STAU1: variants seen among roughly 807,000 people sequenced by gnomAD.
STAU1 encodes the protein staufen double-stranded RNA binding protein 1.
STAU1 carries 13 observed loss-of-function variants against 62.9 expected under a neutral mutation model. The ratio of observed to expected loss-of-function variants is 0.21; its 90% confidence interval spans 0.13 to 0.33. STAU1 has a LOEUF of 0.33. Ranked by LOEUF, STAU1 falls within the 10% of genes least tolerant of loss-of-function variation. STAU1 has a pLI of 1.00. For synonymous variants in STAU1, 269 were observed against 265.1 expected, an observed-to-expected ratio of 1.01 and a Z score of -0.14; for missense variants, 571 against 712.1, an observed-to-expected ratio of 0.80 and a Z score of 2.25.
intron 1 of STAU1, chr20:49,179,335 T>G (rs1244412588): frequency 1.3e-5 from 2 of 152,212 alleles, no homozygotes; most frequent in African/African-American, 2.4e-5. Flanking sequence ...TTCTTTTTTA[T>G]GTTTGGTGCT....
At chr20:49,144,845 T>A (rs888406678) in intron 5 of STAU1, among the ~76,000 whole-genome samples, 1 of 152,166 alleles carries the variant, frequency 6.6e-6, no homozygotes, top group Non-Finnish European at 1.5e-5. Context: ...ATGATTTTCA[T>A]CTCATCTGGC....
At chr20:49,190,011 C>T (rs1046399663), upstream of STAU1, among the ~76,000 whole-genome samples, 7 of 152,100 alleles carry the variant, frequency 4.6e-5, no homozygotes, top group Non-Finnish European at 7.4e-5. Flanking sequence ...GGACTTTCAC[C>T]GTCCCTTTAG....
chr20:49,115,676 A>C (rs1005909721), intron 13 of STAU1, 106 bp downstream of exon 13: 3 of 1,001,744 alleles, frequency 3.0e-6, no homozygotes, highest in Non-Finnish European at 4.7e-6. Flanking sequence ...CCAGAAAGTA[A>C]CTCAGGCAAA....
chr20:49,154,097 T>A (rs2093315924), intron 3 of STAU1, 26 bp from the exon 4 acceptor site: 5 of 1,581,782 alleles, frequency 3.2e-6, no homozygotes, highest in African/African-American at 1.4e-5. Context: ...GACAAAGAAC[T>A]GTTTTTTTCT....
chr20:49,196,019 A>G, the STAU1 span, among the ~76,000 whole-genome samples: 1 of 149,060 alleles, frequency 6.7e-6, no homozygotes, highest in South Asian at 2.1e-4. Context: ...CGGGTGGATC[A>G]CTTGAGGTCA....
chr20:49,204,629 TATATATATATATATA>T, the STAU1 span, among the ~76,000 whole-genome samples: 127 of 59,470 alleles, frequency 2.1e-3, no homozygotes, highest in South Asian at 5.1e-3. Context: ...TATATGTGTA[TATATATATATATATA>T]TATTTTTTTT....
At chr20:49,137,676 T>C (rs1171691202) in intron 5 of STAU1, among the ~76,000 whole-genome samples, 1 of 152,018 alleles carries the variant, frequency 6.6e-6, no homozygotes, top group African/African-American at 2.4e-5. Flanking sequence ...TCAACTTTTT[T>C]TTTTTTGAGA....
intron 6 of STAU1, among the ~76,000 whole-genome samples, chr20:49,128,259 G>A (rs1042776534): frequency 3.9e-5 from 6 of 152,152 alleles, no homozygotes; most frequent in African/African-American, 7.2e-5. Context: ...TCAGGAGGTC[G>A]AGGTTGCAGT....
intron 1 of STAU1, among the ~76,000 whole-genome samples, chr20:49,178,887 C>G (rs943013330): frequency 2.0e-4 from 28 of 143,192 alleles, no homozygotes; most frequent in Non-Finnish European, 3.6e-4. Flanking sequence ...TCCTGGCTAA[C>G]ACGGTGAAAC....
chr20:49,116,053 CCT>C (rs1353946446), intron 12 of STAU1, among the ~76,000 whole-genome samples, 186 bp from the exon 13 acceptor site: 2 of 152,182 alleles, frequency 1.3e-5, no homozygotes, highest in South Asian at 2.1e-4. Flanking sequence ...TATTCAGTTA[CCT>C]CACTGAATCA....
At chr20:49,119,932 T>C (rs748113237) in intron 9 of STAU1, 50 bp downstream of exon 9, 43 of 1,592,170 alleles carry the variant, frequency 2.7e-5, no homozygotes, top group Middle Eastern at 1.7e-4. Flanking sequence ...CCCAGTTCCC[T>C]AGGGTGAGGC....
chr20:49,153,871 T>C (rs891400768), intron 4 of STAU1, 62 bp downstream of exon 4: 6 of 1,496,916 alleles, frequency 4.0e-6, no homozygotes, highest in Admixed American at 4.9e-5. Flanking sequence ...TACTGGTTTA[T>C]GTAAAAGATC....
At chr20:49,206,376 A>G in the STAU1 span, among the ~76,000 whole-genome samples, 2 of 148,020 alleles carry the variant, frequency 1.4e-5, no homozygotes, top group Non-Finnish European at 1.5e-5. Context: ...ATGAAAAACA[A>G]TGTCCACTCA....
In STAU1 at chr20:49,158,427, G is replaced by A. The variant is rs553370600; in HGVS notation, c.206-4356C>T. 1.8e-5 allele frequency: 24 copies of A among 1,304,686 alleles called. No homozygotes were observed. The African/African-American group carries it at 2.9e-4, about 16-fold the overall frequency. 80.8% of individuals were successfully genotyped at this position (1,304,686 alleles called of 1,614,324 possible). On this transcript the variant is annotated intron_variant, in intron 3 of 13. Coordinates refer to ENST00000371856, the MANE Select transcript of STAU1 (RefSeq NM_017453.4). ...TTAAATTTGGTGCCTTAAGGGGTGA[G>A]GCAACTTGCCTTCATAGCTGATTTT...
intron 6 of STAU1, among the ~76,000 whole-genome samples, chr20:49,125,779 C>T (rs975978418): frequency 1.3e-5 from 2 of 151,806 alleles, no homozygotes; most frequent in African/African-American, 2.4e-5. Context: ...ACCTGGGAGG[C>T]GGAGCTTGCA....
At chr20:49,177,501 AC>A (rs1404700195) in intron 1 of STAU1, among the ~76,000 whole-genome samples, 2 of 151,782 alleles carry the variant, frequency 1.3e-5, no homozygotes, top group African/African-American at 4.8e-5. Context: ...ACACAGTGAA[AC>A]CCCGTCTCTA....
At chr20:49,129,057 T>A in intron 6 of STAU1, among the ~76,000 whole-genome samples, 1 of 151,664 alleles carries the variant, frequency 6.6e-6, no homozygotes, top group Non-Finnish European at 1.5e-5. Context: ...AAAATACTTA[T>A]CTGAGAAAAA....
chr20:49,200,389 G>A, the STAU1 span, among the ~76,000 whole-genome samples: 2 of 152,112 alleles, frequency 1.3e-5, no homozygotes, highest in Admixed American at 1.3e-4. Flanking sequence ...ACAAGGTCAG[G>A]AAATCGAGAC....
intron 3 of STAU1, among the ~76,000 whole-genome samples, chr20:49,160,771 T>C (rs1286290069): frequency 1.3e-5 from 2 of 152,206 alleles, no homozygotes; most frequent in African/African-American, 4.8e-5. Context: ...CCGTCTCTAC[T>C]AAAATGCAAA....
Sources: gnomAD v4.1 joint callset for allele counts (sites outside exome capture counted in the v4.1 genomes callset) on GRCh38, gnomAD v4.1.1 for gene constraint, MANE v1.5 for transcripts, NCBI Gene and HGNC (gene_info 2026-07-23, HGNC 2026-07-21) for gene names.